The following GOLM1 variants were observed in gnomAD, a reference collection of about 807,000 sequenced individuals.
The protein encoded by GOLM1 is epididymis luminal protein 46.
Under a neutral mutation model 50.5 loss-of-function variants are expected in GOLM1, and 31 were observed. The observed-to-expected ratio is 0.61, with a 90% CI of 0.46 to 0.83. The LOEUF (loss-of-function observed/expected upper bound fraction) is 0.83, where lower values mean the gene tolerates loss of function less well. Among genes scored for constraint, GOLM1 ranks in the 40% least tolerant of loss-of-function variants. GOLM1 has a pLI of 0.00. For synonymous variants in GOLM1, 178 were observed against 192.8 expected (o/e 0.92, Z 0.64); for missense variants, 491 against 501.3 (o/e 0.98, Z 0.20).
At chr9:86,094,796 A>G (rs893774963) in intron 1 of GOLM1, among the ~76,000 whole-genome samples, 10 of 152,282 alleles carry the variant, frequency 6.6e-5, no homozygotes, top group African/African-American at 2.4e-4. Context: ...AAAAGAATAC[A>G]TCTTGGGCCA....
Position 86,052,553 on chromosome 9 carries a change from G to A in GOLM1, c.348C>T (p.Leu116=), listed in dbSNP as rs1358694503. The change falls in exon 4 of 10, where the codon CTC becomes CTT. Residue 116 remains leucine, a synonymous_variant. Coordinates refer to ENST00000388712, the MANE Select transcript of GOLM1 (RefSeq NM_016548.4). The part of the protein sequence containing the change: ...LVNNITTGER[L]IRVLQDQLKT... ...GGAACTTACCTTGCAGCACTCGGAT[G>A]AGCCTCTCACCTGTGGTGATGTTAT... 5 of 1,613,634 alleles carry A rather than the reference G, an allele frequency of 3.1e-6. No homozygotes were observed. The highest frequency in any genetic ancestry group is 2.2e-5 in the East Asian group (1 of 44,896).
At position 86,028,950 on chromosome 9, in the gene GOLM1, G is replaced by A. The variant is rs150401553; in HGVS notation, c.1130-1057C>T. On this transcript the variant is annotated intron_variant, in intron 9 of 9. Transcript: ENST00000388712. ...TGCAAGCTCCACCTCCGGGGTTCAC[G>A]CCATTCTCCCGCCTAAGCTTCCCGA... 5.1e-3 allele frequency among the ~76,000 whole-genome samples: 753 copies of A among 147,876 alleles called. 2 individuals are homozygous for A. Among genetic ancestry groups the A allele is most frequent in the African/African-American group, 0.016 (640 of 40,112 alleles).
At chr9:86,085,889 G>C (rs1834945543) in intron 1 of GOLM1, among the ~76,000 whole-genome samples, 1 of 152,158 alleles carries the variant, frequency 6.6e-6, no homozygotes, top group East Asian at 1.9e-4. Context: ...ATGGGCATTT[G>C]GGTTGGTTCC....
chr9:86,031,479 G>A (rs62568895), intron 9 of GOLM1, among the ~76,000 whole-genome samples: 13 of 59,850 alleles, frequency 2.2e-4, no homozygotes, highest in Admixed American at 4.7e-4. Context: ...TTTTTTCCCC[G>A]AGACGGAGTT....
intron 3 of GOLM1, among the ~76,000 whole-genome samples, chr9:86,063,636 T>G (rs1458256737): frequency 6.6e-6 from 1 of 152,174 alleles, no homozygotes. Flanking sequence ...GTATTTCCCA[T>G]CAAACGCCTG....
Position 86,027,550 on chromosome 9 carries a change from T to C in GOLM1, c.*267A>G, listed in dbSNP as rs760863112. The C allele has an allele frequency of 1.5e-5, 19 of 1,249,130 alleles. No individual in the cohort carries two copies. The highest frequency in any genetic ancestry group is 1.8e-5 in the Non-Finnish European group (18 of 995,590). The allele number at this position is 1,249,130 out of a possible 1,614,324, so 77.4% of individuals were successfully genotyped here. A position where few individuals can be genotyped will look rare whatever the true frequency, so the allele number is the denominator to read the frequency against. ...CGCCAACACTTGAAGGAGAACTATG[T>C]TCCAGTTTTGGTGTTGAACTTCTCA... On this transcript the variant is annotated 3_prime_UTR_variant, in exon 10 of 10. Transcript: ENST00000388712.
At chr9:86,051,024 C>A (rs1833729834) in intron 4 of GOLM1, among the ~76,000 whole-genome samples, 1 of 152,216 alleles carries the variant, frequency 6.6e-6, no homozygotes, top group East Asian at 1.9e-4. Context: ...TCCCTCTATG[C>A]ACTGCCTTAA....
At chr9:86,041,827 C>T (rs904275256) in intron 5 of GOLM1, among the ~76,000 whole-genome samples, 9 of 152,136 alleles carry the variant, frequency 5.9e-5, no homozygotes, top group African/African-American at 2.2e-4. Context: ...AGTATCAAAA[C>T]TTGAACTGGG....
rs147187868 is a variant in GOLM1, at chr9:86,072,994, G to A, written c.309+4418C>T. Among the ~76,000 whole-genome samples, 403 of 152,138 alleles carry A rather than the reference G, an allele frequency of 2.6e-3. 2 individuals are homozygous for A. The highest frequency in any genetic ancestry group is 4.6e-3 in the Non-Finnish European group (311 of 68,010). ...ACATAGAAAAGATTAGAATTTGATG[G>A]GTCCATAATTGACCAAAACATCACA... On this transcript the variant is annotated intron_variant, in intron 3 of 9. Transcript: ENST00000388712.
rs1485957063 is a variant in GOLM1 at position 86,029,754 on chromosome 9, C to T, written c.1130-1861G>A. On this transcript the variant is annotated intron_variant, in intron 9 of 9. Coordinates refer to ENST00000388712, the MANE Select transcript of GOLM1 (RefSeq NM_016548.4). ...GCTGATGTTGACATTTCTTCAGCTT[C>T]TTCAAAGAGCTGACAAGGCACTCAT... Among the ~76,000 whole-genome samples, 5 of 152,190 alleles carry T rather than the reference C, an allele frequency of 3.3e-5. No individual in the cohort carries two copies. The East Asian group carries it at 9.6e-4, about 29-fold the overall frequency.
chr9:86,036,468 C>T lies in GOLM1; in HGVS notation c.637G>A (p.Ala213Thr). Residue 213 changes from alanine (A) to threonine (T), a missense_variant, in exon 7 of 10, where the codon GCA becomes ACA. By Grantham distance (58) the Ala-to-Thr change is moderately conservative (BLOSUM62 0). Coordinates refer to ENST00000388712, the MANE Select transcript of GOLM1 (RefSeq NM_016548.4). Reference protein sequence around the residue: ...LSEPQPRLQAAGLPHTEVPQG... With the variant: ...LSEPQPRLQATGLPHTEVPQG... ...GGCACCTCTGTGTGTGGCAGGCCTG[C>T]TGCCTGCAGCCTGGGCTGAGGCTCA... 1.2e-6 allele frequency: 2 copies of T among 1,613,916 alleles called. No individual in the cohort carries two copies. The highest frequency in any genetic ancestry group is 1.1e-5 in the South Asian group (1 of 91,054).
rs1412348392 is a variant in GOLM1, at chr9:86,040,829, C to T, written c.507G>A (p.Gln169=). The T allele has an allele frequency of 6.2e-7, 1 of 1,613,996 alleles. No individual in the cohort carries two copies. Among genetic ancestry groups the T allele is most frequent in the Non-Finnish European group, 8.5e-7 (1 of 1,179,856 alleles). Residue 169 remains glutamine (Q), a synonymous_variant, in exon 6 of 10, where the codon CAG becomes CAA. Coordinates refer to ENST00000388712, the MANE Select transcript of GOLM1 (RefSeq NM_016548.4). ...TGACCTCTTCTATTCGCTCCTCACACTGTTCCTTCACCTCCTTCATCTGAT... is the reference window on the plus strand; with the variant it reads ...TGACCTCTTCTATTCGCTCCTCACATTGTTCCTTCACCTCCTTCATCTGAT... ...CINQMKEVKE[Q]CEERIEEVTK... is the part of the protein sequence containing the mutation.
At position 86,064,467 on chromosome 9, in the gene GOLM1, T is replaced by C. The variant is rs564490050; in HGVS notation, c.310-11876A>G. On this transcript the variant is annotated intron_variant, in intron 3 of 9. Transcript: ENST00000388712. The stretch of plus-strand genomic sequence containing the variant: ...CACTTTGCAGAGCTCATCCTACTCC[T>C]GCCCAAATTCAGTGCAACATCACTT... Among the ~76,000 whole-genome samples the C allele has an allele frequency of 3.2e-4, 48 of 152,322 alleles. No homozygotes were observed. The South Asian group carries it at 9.9e-3, about 32-fold the overall frequency.
Position 86,026,251 on chromosome 9 carries a change from C to T in GOLM1, c.*1566G>A. ...AAGCAAGAGAAAATTCCTATCAACC[C>T]CAAGGAGGACTCAAAGTGAGGCTGG... On this transcript the variant is annotated 3_prime_UTR_variant, in exon 10 of 10. Transcript: ENST00000388712. 11 of 984,546 alleles carry T rather than the reference C, an allele frequency of 1.1e-5. No homozygotes were observed. The highest frequency in any genetic ancestry group is 1.2e-5 in the Non-Finnish European group (10 of 829,486). 61.0% of individuals were successfully genotyped at this position (984,546 alleles called of 1,614,324 possible). A position where few individuals can be genotyped will look rare whatever the true frequency, so the allele number is the denominator to read the frequency against.
At chr9:86,051,369 G>A (rs1440176169) in intron 4 of GOLM1, among the ~76,000 whole-genome samples, 2 of 151,596 alleles carry the variant, frequency 1.3e-5, no homozygotes, top group East Asian at 3.9e-4. Flanking sequence ...TTCTATAGAT[G>A]TCTATTAGGT....
At chr9:86,062,352 C>T (rs1477171631) in intron 3 of GOLM1, among the ~76,000 whole-genome samples, 1 of 151,996 alleles carries the variant, frequency 6.6e-6, no homozygotes, top group Non-Finnish European at 1.5e-5. Flanking sequence ...CCCAGCATCT[C>T]CTGCACAGGG....
At position 86,052,604 on chromosome 9, in the gene GOLM1, T is replaced by C. The variant is rs765591786; in HGVS notation, c.310-13A>G. The C allele has an allele frequency of 4.5e-5, 72 of 1,612,586 alleles. No individual in the cohort carries two copies. The highest frequency in any genetic ancestry group is 5.0e-5 in the Non-Finnish European group (59 of 1,178,820). On this transcript the variant is annotated splice_polypyrimidine_tract_variant and intron_variant, in intron 3 of 9. Coordinates refer to ENST00000388712, the MANE Select transcript of GOLM1 (RefSeq NM_016548.4). ...TCACCAAAACCGCCTGCAACGAAGA[T>C]AAACTCGCATGAAACACCCAAACCA...
intron 1 of GOLM1, among the ~76,000 whole-genome samples, chr9:86,089,808 G>A (rs539563916): frequency 2.0e-5 from 3 of 152,242 alleles, no homozygotes; most frequent in African/African-American, 7.2e-5. Context: ...CTGGCGAGGA[G>A]GTGTGATCCT....
At chr9:86,064,123 A>T (rs979718978) in intron 3 of GOLM1, among the ~76,000 whole-genome samples, 3 of 152,338 alleles carry the variant, frequency 2.0e-5, no homozygotes, top group Non-Finnish European at 4.4e-5. Flanking sequence ...ACTGAGGCAC[A>T]GTCTGCAGTG....
Sources: gnomAD v4.1 joint callset for allele counts (sites outside exome capture counted in the v4.1 genomes callset) on GRCh38, gnomAD v4.1.1 for gene constraint, MANE v1.5 for transcripts, NCBI Gene and HGNC (gene_info 2026-07-23, HGNC 2026-07-21) for gene names.